CRB1: variants seen among roughly 807,000 people sequenced by gnomAD.
CRB1 encodes protein crumbs homolog 1.
A neutral mutation model predicts 120.0 loss-of-function variants in CRB1; 83 were observed. That is an observed-to-expected ratio of 0.69 (90% confidence interval 0.58 to 0.83). The LOEUF is 0.83. Ranked by LOEUF, CRB1 falls within the 40% of genes least tolerant of loss-of-function variation. The pLI is 0.00. For missense variants in CRB1, 1,699 were observed against 1,687.6 expected (o/e 1.01, Z -0.12); for synonymous variants, 625 against 612.5 (o/e 1.02, Z -0.30).
upstream of CRB1, among the ~76,000 whole-genome samples, chr1:197,266,492 G>C (rs1212635370): frequency 1.3e-5 from 2 of 152,072 alleles, no homozygotes; most frequent in Admixed American, 1.3e-4. Flanking sequence ...TTTGGGAAGG[G>C]GGGAAAACAT....
intron 8 of CRB1, among the ~76,000 whole-genome samples, chr1:197,433,479 G>C (rs1664974046): frequency 6.6e-6 from 1 of 152,052 alleles, no homozygotes. Context: ...CCATGAAAGT[G>C]GTTTTAGTGA....
chr1:197,267,109 G>A (rs950241579), upstream of CRB1, among the ~76,000 whole-genome samples: 2 of 152,156 alleles, frequency 1.3e-5, no homozygotes, highest in Admixed American at 1.3e-4. Context: ...ATGACTCTGG[G>A]CACACAGAAT....
intron 11 of CRB1, among the ~76,000 whole-genome samples, chr1:197,444,977 T>C (rs1373709634): frequency 6.6e-6 from 1 of 152,094 alleles, no homozygotes; most frequent in Non-Finnish European, 1.5e-5. Flanking sequence ...GTGATCTCTT[T>C]CTGTGAAAGT....
chr1:197,345,502 C>CTTT lies in CRB1; in HGVS notation c.848+1048_848+1050dup, dbSNP rs972072957. Among the ~76,000 whole-genome samples, 267 of 90,586 alleles carry CTTT rather than the reference C, an allele frequency of 2.9e-3. 1 individual carries two copies. Among genetic ancestry groups the CTTT allele is most frequent in the Non-Finnish European group, 3.5e-3 (171 of 48,610 alleles). 59.4% of individuals were successfully genotyped at this position (90,586 alleles called of 152,430 possible). A position where few individuals can be genotyped will look rare whatever the true frequency, so the allele number is the denominator to read the frequency against. ...CTTCAAAAATTTGCAAAAATAATGA[C>CTTT]TTTTTTTTTTTTTTTTTTTTTTTTG... On this transcript the variant is annotated intron_variant, in intron 3 of 11. Transcript: ENST00000367400.
chr1:197,256,141 A>G, the CRB1 span, among the ~76,000 whole-genome samples: 1 of 151,114 alleles, frequency 6.6e-6, no homozygotes, highest in Non-Finnish European at 1.5e-5. Context: ...CACCAAACTA[A>G]CAACCAGCCC....
At chr1:197,267,084 A>G (rs1654664803), upstream of CRB1, among the ~76,000 whole-genome samples, 1 of 152,198 alleles carries the variant, frequency 6.6e-6, no homozygotes, top group African/African-American at 2.4e-5. Context: ...CCTAATGTTG[A>G]CACTGACCCA....
intron 5 of CRB1, among the ~76,000 whole-genome samples, chr1:197,401,259 T>C (rs189390469): frequency 1.3e-5 from 2 of 152,240 alleles, no homozygotes; most frequent in African/African-American, 4.8e-5. Context: ...TTTGTTGATG[T>C]TTATCTCCAC....
chr1:197,299,419 A>G (rs1656735955), intron 1 of CRB1, among the ~76,000 whole-genome samples: 1 of 152,154 alleles, frequency 6.6e-6, no homozygotes, highest in Admixed American at 6.6e-5. Context: ...ATCCATTGGC[A>G]TAAGCTCTGG....
chr1:197,451,573 G>T (rs1048170361), intron 11 of CRB1, among the ~76,000 whole-genome samples: 1 of 152,104 alleles, frequency 6.6e-6, no homozygotes, highest in Non-Finnish European at 1.5e-5. Context: ...TAACACTGTC[G>T]ATTCTGCCCC....
the CRB1 span, among the ~76,000 whole-genome samples, chr1:197,234,242 T>TA: frequency 6.6e-6 from 1 of 152,212 alleles, no homozygotes; most frequent in Non-Finnish European, 1.5e-5. Context: ...TTGTAATGAA[T>TA]AGAATAAAGG....
At chr1:197,211,675 A>AT in the CRB1 span, among the ~76,000 whole-genome samples, 1 of 152,216 alleles carries the variant, frequency 6.6e-6, no homozygotes, top group Non-Finnish European at 1.5e-5. Flanking sequence ...AGCTTATAAA[A>AT]TTTGGGGGTT....
chr1:197,407,971 A>G (rs926979128), intron 5 of CRB1, among the ~76,000 whole-genome samples: 3 of 152,194 alleles, frequency 2.0e-5, no homozygotes, highest in Admixed American at 6.5e-5. Context: ...ATGCATGTTC[A>G]TTTTGATTAC....
intron 5 of CRB1, among the ~76,000 whole-genome samples, chr1:197,405,890 C>A (rs988904394): frequency 1.3e-5 from 2 of 151,904 alleles, no homozygotes; most frequent in Non-Finnish European, 2.9e-5. Flanking sequence ...GCAGCCACCC[C>A]GTCTGGGAAG....
At chr1:197,309,877 C>A (rs1289572727) in intron 1 of CRB1, among the ~76,000 whole-genome samples, 1 of 152,046 alleles carries the variant, frequency 6.6e-6, no homozygotes, top group Non-Finnish European at 1.5e-5. Flanking sequence ...TATTTGCATT[C>A]ATGTAGCATC....
chr1:197,261,882 T>G, the CRB1 span, among the ~76,000 whole-genome samples: 1 of 152,178 alleles, frequency 6.6e-6, no homozygotes, highest in Non-Finnish European at 1.5e-5. Flanking sequence ...TAGGGTTAAT[T>G]TAATCTACTT....
chr1:197,429,402 A>G (rs748030327), intron 7 of CRB1, 47 bp from the exon 8 acceptor site: 8 of 1,600,980 alleles, frequency 5.0e-6, no homozygotes, highest in Middle Eastern at 1.6e-4. Context: ...ACATTTTTCT[A>G]TTTAGTTGCC....
At chr1:197,346,234 A>G (rs1201325824) in intron 3 of CRB1, among the ~76,000 whole-genome samples, 1 of 151,904 alleles carries the variant, frequency 6.6e-6, no homozygotes, top group African/African-American at 2.4e-5. Flanking sequence ...ACCTGACTTT[A>G]TGTTCCCACA....
Position 197,421,773 on chromosome 1 carries a change from G to A in CRB1, c.1945G>A (p.Asp649Asn), listed in dbSNP as rs138936375. 18 of 1,613,988 alleles carry A rather than the reference G, an allele frequency of 1.1e-5. No individual in the cohort carries two copies. The African/African-American group carries it at 2.3e-4, about 20-fold the overall frequency. ...AGGCTGTCTCCAAGACATTAAAATT[G>A]ATTGGAATCACATTACCCTGGAGAA... ...FVGCLQDIKI[D>N]WNHITLENIS... is the part of the protein sequence containing the mutation. The change falls in exon 6 of 12, where the codon GAT (aspartate) becomes AAT (asparagine). Residue 649 changes from aspartate to asparagine, a missense_variant. Asp to Asn is a conservative substitution (Grantham distance 23). Coordinates refer to ENST00000367400, the MANE Select transcript of CRB1 (RefSeq NM_201253.3).
chr1:197,259,624 C>T, the CRB1 span, among the ~76,000 whole-genome samples: 5 of 152,100 alleles, frequency 3.3e-5, no homozygotes, highest in Admixed American at 2.6e-4. Flanking sequence ...CAGCAAACCA[C>T]CATGACATAC....
Sources: gnomAD v4.1 joint callset for allele counts (sites outside exome capture counted in the v4.1 genomes callset) on GRCh38, gnomAD v4.1.1 for gene constraint, MANE v1.5 for transcripts, NCBI Gene and HGNC (gene_info 2026-07-23, HGNC 2026-07-21) for gene names.